TBC1D4: variants seen among roughly 807,000 people sequenced by gnomAD.
TBC1D4 encodes TBC (Tre-2, BUB2, CDC16) domain-containing protein.
A neutral mutation model predicts 142.5 loss-of-function variants in TBC1D4; 121 were observed. The ratio of observed to expected loss-of-function variants is 0.85; its 90% confidence interval spans 0.73 to 0.99. TBC1D4 has a LOEUF of 0.99. TBC1D4 is among the 50% of genes least tolerant of loss of function. TBC1D4 has a pLI of 0.00. For missense variants in TBC1D4, 1,475 were observed against 1,606.6 expected (o/e 0.92, Z 1.40); for synonymous variants, 630 against 628.2 (o/e 1.00, Z -0.04).
intron 13 of TBC1D4, among the ~76,000 whole-genome samples, chr13:75,312,413 T>TG (rs1877843246): frequency 7.3e-5 from 5 of 68,652 alleles, no homozygotes; most frequent in Non-Finnish European, 1.5e-4. Context: ...GCCCAATCTC[T>TG]GGGAAAAAAA....
Position 75,312,918 on chromosome 13 carries a change from A to AT in TBC1D4, c.2223-21dup, listed in dbSNP as rs1877927892. The AT allele has an allele frequency of 6.2e-7, 1 of 1,613,714 alleles. No individual in the cohort carries two copies. Among genetic ancestry groups the AT allele is most frequent in the Non-Finnish European group, 8.5e-7 (1 of 1,179,964 alleles). ...CCATCACTGTTGAAAGCAAATAAAC[A>AT]TATCACTTATAAGGAGAGCTGCACA... On this transcript the variant is annotated intron_variant, in intron 12 of 20. Coordinates refer to ENST00000377636, the MANE Select transcript of TBC1D4 (RefSeq NM_014832.5).
chr13:75,286,725 G>T lies in TBC1D4; in HGVS notation c.*67C>A. ...CTTCAGGGTCCAGCCTTGGGCCAGC[G>T]ACATGCAGGCTCTTCCTCTCTGTAG... On this transcript the variant is annotated 3_prime_UTR_variant, in exon 21 of 21. Transcript: ENST00000377636. The T allele has an allele frequency of 6.6e-7, 1 of 1,505,114 alleles. No homozygotes were observed. The highest frequency in any genetic ancestry group is 1.2e-5 in the South Asian group (1 of 85,164). The allele number at this position is 1,505,114 out of a possible 1,614,324, so 93.2% of individuals were successfully genotyped here.
intron 1 of TBC1D4, among the ~76,000 whole-genome samples, chr13:75,447,500 A>ATGTGTGTGAATG: frequency 6.9e-6 from 1 of 145,344 alleles, no homozygotes. Flanking sequence ...CATAGTGTGA[A>ATGTGTGTGAATG]TGTGTGTGTG....
intron 11 of TBC1D4, 100 bp downstream of exon 11, chr13:75,324,137 G>T: frequency 7.7e-7 from 1 of 1,293,024 alleles, no homozygotes; most frequent in Non-Finnish European, 1.1e-6. Flanking sequence ...ACACAGGGAT[G>T]CATAAATGTC....
intron 1 of TBC1D4, among the ~76,000 whole-genome samples, chr13:75,474,401 T>C (rs970124362): frequency 1.3e-5 from 2 of 151,946 alleles, no homozygotes; most frequent in Non-Finnish European, 2.9e-5. Context: ...CTACCAAAAA[T>C]ACAAAAAATT....
At chr13:75,430,765 T>C (rs759995157) in intron 1 of TBC1D4, among the ~76,000 whole-genome samples, 2 of 152,326 alleles carry the variant, frequency 1.3e-5, no homozygotes, top group South Asian at 2.1e-4. Flanking sequence ...GGCTTTATCC[T>C]GTGTAATTAG....
At chr13:75,289,205 A>C in intron 19 of TBC1D4, 95 bp from the exon 20 acceptor site, 2 of 1,459,306 alleles carry the variant, frequency 1.4e-6, no homozygotes, top group Non-Finnish European at 1.9e-6. Context: ...ATTTCCAAAT[A>C]CTTATTAATG....
Position 75,481,887 on chromosome 13 carries a change from G to A in TBC1D4, c.-120C>T, listed in dbSNP as rs1006496392. On this transcript the variant is annotated 5_prime_UTR_variant, in exon 1 of 21. Transcript: ENST00000377636. Reference sequence around the variant, plus strand: ...CGCACCGGGCTCCCGCGCCTGCCTGGGAGCGGCGCGACCCCGAACTCCGCG... The same window carrying A: ...CGCACCGGGCTCCCGCGCCTGCCTGAGAGCGGCGCGACCCCGAACTCCGCG... The A allele has an allele frequency of 1.5e-6, 2 of 1,340,822 alleles. No homozygotes were observed. Among genetic ancestry groups the A allele is most frequent in the African/African-American group, 1.6e-5 (1 of 64,336 alleles). The allele number at this position is 1,340,822 out of a possible 1,614,324, so 83.1% of individuals were successfully genotyped here. A position where few individuals can be genotyped will look rare whatever the true frequency, so the allele number is the denominator to read the frequency against.
chr13:75,410,242 T>C (rs1885578702), intron 1 of TBC1D4, among the ~76,000 whole-genome samples: 1 of 152,206 alleles, frequency 6.6e-6, no homozygotes, highest in Admixed American at 6.5e-5. Context: ...CCCCTTTTCA[T>C]TCCAAAGGTT....
At position 75,341,514 on chromosome 13, in the gene TBC1D4, G is replaced by A; in HGVS notation, c.1482C>T (p.Asp494=). ...LSSLTDNEQA[D]IFERVQKMKP... The stretch of plus-strand genomic sequence containing the variant: ...ATGTTACCTGAACTCTTTCAAAGAT[G>A]TCAGCTTGCTCATTATCTGTCAGTG... Residue 494 remains aspartate, a synonymous_variant, in exon 6 of 21, where the codon GAC becomes GAT. Coordinates refer to ENST00000377636, the MANE Select transcript of TBC1D4 (RefSeq NM_014832.5). The A allele has an allele frequency of 6.2e-7, 1 of 1,613,876 alleles. No homozygotes were observed. The highest frequency in any genetic ancestry group is 2.2e-5 in the East Asian group (1 of 44,854).
At chr13:75,293,888 T>G (rs1419308088) in intron 18 of TBC1D4, among the ~76,000 whole-genome samples, 3 of 152,222 alleles carry the variant, frequency 2.0e-5, no homozygotes, top group African/African-American at 7.2e-5. Context: ...TGCTGTTTCA[T>G]TTTTTCAAAC....
At chr13:75,387,711 G>T (rs944791956) in intron 1 of TBC1D4, among the ~76,000 whole-genome samples, 2 of 152,104 alleles carry the variant, frequency 1.3e-5, no homozygotes, top group Admixed American at 1.3e-4. Context: ...AGATCACTTT[G>T]TTCATTTTCA....
intron 1 of TBC1D4, among the ~76,000 whole-genome samples, chr13:75,451,006 T>C (rs543086291): frequency 2.0e-5 from 3 of 152,322 alleles, no homozygotes; most frequent in Admixed American, 6.5e-5. Context: ...CCAGCCAAAT[T>C]CTTTTCAAGC....
intron 1 of TBC1D4, among the ~76,000 whole-genome samples, chr13:75,460,538 A>G (rs1887924844): frequency 6.6e-6 from 1 of 152,168 alleles, no homozygotes; most frequent in Non-Finnish European, 1.5e-5. Context: ...GAAAGCAGAG[A>G]TGGAGTTCAG....
At position 75,396,641 on chromosome 13, in the gene TBC1D4, A is replaced by C. The variant is rs183997401; in HGVS notation, c.499-34034T>G. ...TTTAAAACCCAATAACTAATGTCTG[A>C]ATGTAATTCCTAAAATTCAAAAATA... On this transcript the variant is annotated intron_variant, in intron 1 of 20. Coordinates refer to ENST00000377636, the MANE Select transcript of TBC1D4 (RefSeq NM_014832.5). 2.0e-4 allele frequency among the ~76,000 whole-genome samples: 30 copies of C among 152,298 alleles called. 1 individual carries two copies. Among genetic ancestry groups the C allele is most frequent in the Admixed American group, 1.7e-3 (26 of 15,298 alleles).
chr13:75,445,583 C>T (rs1887245632), intron 1 of TBC1D4, among the ~76,000 whole-genome samples: 1 of 152,176 alleles, frequency 6.6e-6, no homozygotes, highest in Non-Finnish European at 1.5e-5. Flanking sequence ...TCAACAATCT[C>T]ACCCAGAGTA....
chr13:75,331,002 T>C (rs545032303), intron 8 of TBC1D4, among the ~76,000 whole-genome samples: 1 of 152,302 alleles, frequency 6.6e-6, no homozygotes, highest in Admixed American at 6.5e-5. Context: ...TTCCTATTAC[T>C]AGAAAAACAA....
intron 1 of TBC1D4, among the ~76,000 whole-genome samples, chr13:75,462,484 G>A (rs1888011102): frequency 6.6e-6 from 1 of 151,488 alleles, no homozygotes; most frequent in African/African-American, 2.4e-5. Context: ...CCTTTTTCCA[G>A]GACTAAATGT....
intron 1 of TBC1D4, among the ~76,000 whole-genome samples, chr13:75,465,859 T>C (rs1888145930): frequency 6.6e-6 from 1 of 152,180 alleles, no homozygotes; most frequent in South Asian, 2.1e-4. Flanking sequence ...CACACATTCC[T>C]TTCCATTGAT....
Sources: allele counts gnomAD v4.1 joint callset (sites outside exome capture counted in the v4.1 genomes callset), GRCh38; gene constraint gnomAD v4.1.1; transcripts MANE v1.5; gene names NCBI Gene and HGNC (gene_info 2026-07-23, HGNC 2026-07-21).